Variants in FOXO3 observed in about 807,000 individuals in gnomAD.
FOXO3 encodes the protein forkhead box O3.
Under a neutral mutation model 41.9 loss-of-function variants are expected in FOXO3, and 4 were observed. That is an observed-to-expected ratio of 0.10 (90% confidence interval 0.05 to 0.22). The LOEUF (loss-of-function observed/expected upper bound fraction) is 0.22. FOXO3 is among the 10% of genes least tolerant of loss of function. The pLI is 1.00. For synonymous variants in FOXO3, 318 were observed against 389.3 expected (o/e 0.82, Z 2.16); for missense variants, 534 against 906.8 (o/e 0.59, Z 5.28).
chr6:108,573,682 A>T (rs1776174847), intron 1 of FOXO3, among the ~76,000 whole-genome samples: 1 of 152,040 alleles, frequency 6.6e-6, no homozygotes, highest in Non-Finnish European at 1.5e-5. Context: ...ACAAAAAATT[A>T]GCTGGGTGTG....
rs1384865997 is a variant in FOXO3 at position 108,599,787 on chromosome 6, A to G, written c.621+37958A>G. On this transcript the variant is annotated intron_variant, in intron 1 of 2. Transcript: ENST00000406360. ...CATCGTTTCTGTTAAGGGCCATCCC[A>G]TTTCTTCAGACAAATTCTATCTTCT... Among the ~76,000 whole-genome samples, 3 of 152,180 alleles carry G rather than the reference A, an allele frequency of 2.0e-5. No individual in the cohort carries two copies. In the East Asian group the frequency reaches 5.8e-4, roughly 29 times the overall value.
intron 1 of FOXO3, among the ~76,000 whole-genome samples, chr6:108,597,786 A>G (rs1359121650): frequency 6.6e-6 from 1 of 152,166 alleles, no homozygotes; most frequent in African/African-American, 2.4e-5. Flanking sequence ...TTCAGGAACA[A>G]ACAGAGCTAT....
At chr6:108,608,944 A>G (rs1018086847) in intron 1 of FOXO3, among the ~76,000 whole-genome samples, 1 of 152,238 alleles carries the variant, frequency 6.6e-6, no homozygotes, top group Admixed American at 6.5e-5. Flanking sequence ...GCTCAGCAGT[A>G]TAGAACTTGT....
intron 1 of FOXO3, among the ~76,000 whole-genome samples, chr6:108,603,886 A>G (rs1440689752): frequency 6.6e-6 from 1 of 152,172 alleles, no homozygotes; most frequent in African/African-American, 2.4e-5. Context: ...ATGGTACATT[A>G]GACAATTTTT....
At chr6:108,674,710 G>A (rs911264360) in intron 2 of FOXO3, among the ~76,000 whole-genome samples, 24 of 152,290 alleles carry the variant, frequency 1.6e-4, no homozygotes, top group Admixed American at 3.3e-4. Flanking sequence ...CATCGGACAA[G>A]CGGAGGGTTT....
intron 1 of FOXO3, among the ~76,000 whole-genome samples, chr6:108,605,801 A>C (rs1777183013): frequency 6.6e-6 from 1 of 152,228 alleles, no homozygotes; most frequent in African/African-American, 2.4e-5. Flanking sequence ...AGAGGGAGGC[A>C]TGGAAATGCA....
At chr6:108,666,177 AT>A (rs1779051889) in intron 2 of FOXO3, among the ~76,000 whole-genome samples, 1 of 152,102 alleles carries the variant, frequency 6.6e-6, no homozygotes, top group Non-Finnish European at 1.5e-5. Flanking sequence ...TCACAGGGTT[AT>A]TACAAGAATC....
intron 2 of FOXO3, among the ~76,000 whole-genome samples, chr6:108,671,296 G>A (rs1277508839): frequency 1.3e-5 from 2 of 152,190 alleles, no homozygotes; most frequent in South Asian, 4.1e-4. Flanking sequence ...GATTTCTAGA[G>A]CTGGTGAGTT....
chr6:108,587,592 C>T, intron 1 of FOXO3, among the ~76,000 whole-genome samples: 1 of 152,200 alleles, frequency 6.6e-6, no homozygotes, highest in East Asian at 1.9e-4. Flanking sequence ...GAAGTGAGAG[C>T]CCCGGCTCAG....
At chr6:108,673,367 C>T (rs1446452282) in intron 2 of FOXO3, among the ~76,000 whole-genome samples, 1 of 152,236 alleles carries the variant, frequency 6.6e-6, no homozygotes, top group African/African-American at 2.4e-5. Flanking sequence ...GGAATCTGCA[C>T]ACCTGGCCAG....
chr6:108,561,615 C>T lies in FOXO3; in HGVS notation c.407C>T (p.Pro136Leu), dbSNP rs759858836. The change falls in exon 1 of 3, where the codon CCG (proline) becomes CTG (leucine). Residue 136 changes from proline to leucine, a missense_variant. Transcript: ENST00000406360. The part of the protein sequence containing the change: ...LLQPQQPLPP[P>L]QPGAAGGSGQ... ...CAGCCTCAGCAACCGCTGCCACCGCCGCAGCCGGGGGCGGCTGGGGGCTCC... is the reference window on the plus strand; with the variant it reads ...CAGCCTCAGCAACCGCTGCCACCGCTGCAGCCGGGGGCGGCTGGGGGCTCC... 2 of 1,540,850 alleles carry T rather than the reference C, an allele frequency of 1.3e-6. No homozygotes were observed. The highest frequency in any genetic ancestry group is 1.7e-6 in the Non-Finnish European group (2 of 1,143,624).
At chr6:108,632,247 T>C (rs1777993076) in intron 1 of FOXO3, among the ~76,000 whole-genome samples, 1 of 152,156 alleles carries the variant, frequency 6.6e-6, no homozygotes, top group African/African-American at 2.4e-5. Flanking sequence ...CCCAGCTGCC[T>C]TAAATTTGTT....
At chr6:108,592,755 A>G (rs1271927013) in intron 1 of FOXO3, among the ~76,000 whole-genome samples, 1 of 152,074 alleles carries the variant, frequency 6.6e-6, no homozygotes, top group Non-Finnish European at 1.5e-5. Flanking sequence ...TGCTTCTGGC[A>G]TTTGTCGGCC....
Position 108,659,068 on chromosome 6 carries a change from A to G in FOXO3, c.622-4387A>G, listed in dbSNP as rs543513785. ...CCTAGCTAATTTTTGTATTTTTTGTAGAGACAGGGTTTTGCCATGTTGCCC... is the reference window on the plus strand; with the variant it reads ...CCTAGCTAATTTTTGTATTTTTTGTGGAGACAGGGTTTTGCCATGTTGCCC... On this transcript the variant is annotated intron_variant, in intron 1 of 2. Transcript: ENST00000406360. 5.9e-5 allele frequency among the ~76,000 whole-genome samples: 9 copies of G among 152,034 alleles called. No individual in the cohort carries two copies. The South Asian group carries it at 8.3e-4, about 14-fold the overall frequency.
chr6:108,560,370 T>C (rs1443999620), upstream of FOXO3, among the ~76,000 whole-genome samples: 1 of 152,158 alleles, frequency 6.6e-6, no homozygotes, highest in East Asian at 1.9e-4. Context: ...AACCCCGAAG[T>C]GGCCGTCCCC....
At chr6:108,665,366 T>C (rs1010574762) in intron 2 of FOXO3, among the ~76,000 whole-genome samples, 6 of 152,336 alleles carry the variant, frequency 3.9e-5, no homozygotes, top group African/African-American at 1.2e-4. Context: ...CATCTTTTTT[T>C]CCTTGTAAAG....
chr6:108,667,500 G>A (rs184000683), intron 2 of FOXO3, among the ~76,000 whole-genome samples: 9 of 152,320 alleles, frequency 5.9e-5, no homozygotes, highest in African/African-American at 1.9e-4. Context: ...AGAAGACAAT[G>A]TAGTATCAGT....
chr6:108,628,714 T>A (rs1777878997), intron 1 of FOXO3, among the ~76,000 whole-genome samples: 1 of 152,112 alleles, frequency 6.6e-6, no homozygotes, highest in Non-Finnish European at 1.5e-5. Flanking sequence ...TTGAAAGAAT[T>A]TAAACCCACT....
rs148381122 is a variant in FOXO3 at position 108,570,591 on chromosome 6, G to A, written c.621+8762G>A. ...GATCCTCTTACTTGGGCCTCCTAAA[G>A]TGCTGGGATTATAAACATGAGCCCC... On this transcript the variant is annotated intron_variant, in intron 1 of 2. Transcript: ENST00000406360. 2.0e-3 allele frequency among the ~76,000 whole-genome samples: 299 copies of A among 152,304 alleles called. 2 individuals are homozygous for A. The highest frequency in any genetic ancestry group is 3.9e-3 in the South Asian group (19 of 4,828).
Sources: allele counts gnomAD v4.1 joint callset (sites outside exome capture counted in the v4.1 genomes callset), GRCh38; gene constraint gnomAD v4.1.1; transcripts MANE v1.5; gene names NCBI Gene and HGNC (gene_info 2026-07-23, HGNC 2026-07-21).